TYRO3: variants seen among roughly 807,000 people sequenced by gnomAD.
TYRO3 encodes tyrosine-protein kinase receptor TYRO3.
TYRO3 carries 38 observed loss-of-function variants against 95.2 expected under a neutral mutation model. The ratio of observed to expected loss-of-function variants is 0.40; its 90% CI spans 0.31 to 0.52. TYRO3 has a LOEUF of 0.52. TYRO3 is among the 20% of genes least tolerant of loss of function. The pLI, the probability that TYRO3 is intolerant of heterozygous loss-of-function variation, is 0.56. For synonymous variants in TYRO3, 367 were observed against 432.9 expected (o/e 0.85, Z 1.89); for missense variants, 812 against 1,116.4 (o/e 0.73, Z 3.89).
intron 17 of TYRO3, 70 bp downstream of exon 17, chr15:41,573,537 C>T (rs1213356954): frequency 5.5e-5 from 86 of 1,571,718 alleles, no homozygotes; most frequent in Non-Finnish European, 3.5e-6. Context: ...CCTTAAGGGC[C>T]TAGCCAAGTC....
rs746836904 is a variant in TYRO3 at position 41,579,965 on chromosome 15, G to T, written c.*1689G>T. Reference sequence around the variant, plus strand: ...GTAGAGATAGGGTTTCACCGTATTAGCCAGGATGATCTCAATCTCCTGACC... The same window carrying T: ...GTAGAGATAGGGTTTCACCGTATTATCCAGGATGATCTCAATCTCCTGACC... On this transcript the variant is annotated 3_prime_UTR_variant, in exon 19 of 19. Transcript: ENST00000263798. 5 of 151,246 alleles carry T rather than the reference G, an allele frequency of 3.3e-5. No homozygotes were observed. The highest frequency in any genetic ancestry group is 7.4e-5 in the Non-Finnish European group (5 of 67,870). 9.4% of individuals were successfully genotyped at this position (151,246 alleles called of 1,614,324 possible). A position where few individuals can be genotyped will look rare whatever the true frequency, so the allele number is the denominator to read the frequency against.
intron 4 of TYRO3, among the ~76,000 whole-genome samples, chr15:41,563,964 C>T (rs960634968): frequency 1.5e-4 from 23 of 152,196 alleles, no homozygotes; most frequent in African/African-American, 5.3e-4. Flanking sequence ...TTACCTGATT[C>T]TCACAATTCT....
Position 41,567,507 on chromosome 15 carries a change from G to A in TYRO3, c.931G>A (p.Asp311Asn). The change falls in exon 7 of 19, where the codon GAC (aspartate) becomes AAC (asparagine). Residue 311 changes from aspartate to asparagine, a missense_variant. Physicochemically the swap from Asp to Asn is conservative, Grantham distance 23. Coordinates refer to ENST00000263798, the MANE Select transcript of TYRO3 (RefSeq NM_006293.4). ...ANALGPSPYA[D>N]WVPFQTKGLA... ...TGCCTTGGGGCCCTCTCCCTATGCT[G>A]ACTGGGTGCCCTTTCAGACCAAGGG... 1 of 1,589,044 alleles carries A rather than the reference G, an allele frequency of 6.3e-7. No homozygotes were observed.
Position 41,567,532 on chromosome 15 carries a change from G to T in TYRO3, c.956G>T (p.Gly319Val). ...GACTGGGTGCCCTTTCAGACCAAGG[G>T]TCTAGGTAAGGGATGCATAGAGCAG... Reference protein sequence around the residue: ...YADWVPFQTKGLAPASAPQNL... With the variant: ...YADWVPFQTKVLAPASAPQNL... The change falls in exon 7 of 19, where the codon GGT becomes GTT. Residue 319 changes from glycine to valine, a missense_variant. By Grantham distance (109) the Gly-to-Val change is moderately radical. Transcript: ENST00000263798. The T allele has an allele frequency of 3.8e-6, 6 of 1,560,346 alleles. No homozygotes were observed. Among genetic ancestry groups the T allele is most frequent in the Non-Finnish European group, 5.2e-6 (6 of 1,156,974 alleles).
At chr15:41,569,631 A>G (rs2055769310) in intron 9 of TYRO3, among the ~76,000 whole-genome samples, 1 of 150,690 alleles carries the variant, frequency 6.6e-6, no homozygotes, top group Admixed American at 6.6e-5. Context: ...GTCAGGTGTG[A>G]TGTTGCACAC....
chr15:41,583,160 C>A lies in TYRO3; in HGVS notation c.*4884C>A, dbSNP rs1262892398. ...TACAGGCACGTGCCACCACAACATG[C>A]TAATTTTTTGTATTTTTAGTAGAGA... is the stretch of plus-strand genomic sequence containing the variant. On this transcript the variant is annotated 3_prime_UTR_variant, in exon 19 of 19. Coordinates refer to ENST00000263798, the MANE Select transcript of TYRO3 (RefSeq NM_006293.4). 6.6e-6 allele frequency: 1 copy of A among 151,834 alleles called. No homozygotes were observed. The highest frequency in any genetic ancestry group is 1.9e-4 in the East Asian group (1 of 5,174). 9.4% of individuals were successfully genotyped at this position (151,834 alleles called of 1,614,324 possible). A position where few individuals can be genotyped will look rare whatever the true frequency, so the allele number is the denominator to read the frequency against.
At chr15:41,569,263 G>A (rs1362836139) in intron 9 of TYRO3, among the ~76,000 whole-genome samples, 6 of 148,784 alleles carry the variant, frequency 4.0e-5, no homozygotes, top group African/African-American at 1.5e-4. Context: ...ACCAGCTCTG[G>A]CAACATAGCA....
At chr15:41,559,566 CA>C (rs961238420) in intron 1 of TYRO3, among the ~76,000 whole-genome samples, 185 bp downstream of exon 1, 10 of 152,212 alleles carry the variant, frequency 6.6e-5, no homozygotes, top group African/African-American at 2.4e-4. Context: ...GCCGGGCCCC[CA>C]CCCCCAACTT....
At position 41,582,463 on chromosome 15, in the gene TYRO3, G is replaced by T. The variant is rs1184787616; in HGVS notation, c.*4187G>T. 6.6e-6 allele frequency: 1 copy of T among 152,198 alleles called. No individual in the cohort carries two copies. The highest frequency in any genetic ancestry group is 1.5e-5 in the Non-Finnish European group (1 of 68,096). 9.4% of individuals were successfully genotyped at this position (152,198 alleles called of 1,614,324 possible). On this transcript the variant is annotated 3_prime_UTR_variant, in exon 19 of 19. Transcript: ENST00000263798. The stretch of plus-strand genomic sequence containing the variant: ...GAGAATCACTTGAACCTGGGAGGGG[G>T]AGGTTGCAGTGAGCCACTACATTCC...
rs140671779 is a variant in TYRO3 at position 41,561,654 on chromosome 15, C to A, written c.409+15C>A. ...CACGGTAGAAGGTGAGGAGGCAGAGCCATATGGGCGTGTTGGCCTGGAGCA... is the reference window on the plus strand; with the variant it reads ...CACGGTAGAAGGTGAGGAGGCAGAGACATATGGGCGTGTTGGCCTGGAGCA... On this transcript the variant is annotated intron_variant, in intron 3 of 18. Transcript: ENST00000263798. The A allele has an allele frequency of 3.3e-5, 33 of 1,004,918 alleles. No individual in the cohort carries two copies. The highest frequency in any genetic ancestry group is 4.7e-5 in the Non-Finnish European group (32 of 678,452). 62.3% of individuals were successfully genotyped at this position (1,004,918 alleles called of 1,614,324 possible).
Position 41,571,066 on chromosome 15 carries a change from G to A in TYRO3, c.1608G>A (p.Gln536=). 6.2e-7 allele frequency: 1 copy of A among 1,614,126 alleles called. No homozygotes were observed. Among genetic ancestry groups the A allele is most frequent in the South Asian group, 1.1e-5 (1 of 91,072 alleles). ...AGTTTGGTTCAGTGCGGGAGGCCCA[G>A]CTGAAGCAAGAGGATGGCTCCTTTG... The part of the protein sequence containing the change: ...KGEFGSVREA[Q]LKQEDGSFVK... The change falls in exon 13 of 19, where the codon CAG becomes CAA. Residue 536 remains glutamine (Q), a synonymous_variant. Transcript: ENST00000263798.
In TYRO3 at chr15:41,564,276, A is replaced by C. The variant is rs1461178130; in HGVS notation, c.667+6A>C. 7.4e-7 allele frequency: 1 copy of C among 1,350,262 alleles called. No individual in the cohort carries two copies. The highest frequency in any genetic ancestry group is 1.2e-5 in the South Asian group (1 of 86,670). The allele number at this position is 1,350,262 out of a possible 1,614,324, so 83.6% of individuals were successfully genotyped here. On this transcript the variant is annotated splice_donor_region_variant and intron_variant, in intron 5 of 18. Transcript: ENST00000263798. ...AGCCACTGTTCACCTTCAAGGTAGG[A>C]GGGCTGGCAGGGAGGAAGGGTGGAT...
intron 17 of TYRO3, 59 bp from the exon 18 acceptor site, chr15:41,573,620 C>G: frequency 6.9e-7 from 1 of 1,452,652 alleles, no homozygotes; most frequent in Non-Finnish European, 9.4e-7. Flanking sequence ...AGCCATGGCT[C>G]TCTGCCTGGC....
In TYRO3 at chr15:41,578,948, G is replaced by C. The variant is rs1221459062; in HGVS notation, c.*672G>C. 1 of 153,408 alleles carries C rather than the reference G, an allele frequency of 6.5e-6. No individual in the cohort carries two copies. The highest frequency in any genetic ancestry group is 1.4e-5 in the Non-Finnish European group (1 of 69,050). The allele number at this position is 153,408 out of a possible 1,614,324, so 9.5% of individuals were successfully genotyped here. On this transcript the variant is annotated 3_prime_UTR_variant, in exon 19 of 19. Transcript: ENST00000263798. Reference sequence around the variant, plus strand: ...CAGGTGCCCCTCTTCCAAAGGCAGCGTGCCGAGCCAGCAAGAGGAAGGGGT... The same window carrying C: ...CAGGTGCCCCTCTTCCAAAGGCAGCCTGCCGAGCCAGCAAGAGGAAGGGGT...
Position 41,580,087 on chromosome 15 carries a change from G to A in TYRO3, c.*1811G>A, listed in dbSNP as rs2140839774. ...TGTTACCTTTAAATGATGGGGTTAAGGGGACGTTCTTCTTTGTGCTTTCCA... is the reference window on the plus strand; with the variant it reads ...TGTTACCTTTAAATGATGGGGTTAAAGGGACGTTCTTCTTTGTGCTTTCCA... On this transcript the variant is annotated 3_prime_UTR_variant, in exon 19 of 19. Coordinates refer to ENST00000263798, the MANE Select transcript of TYRO3 (RefSeq NM_006293.4). 6.6e-6 allele frequency: 1 copy of A among 152,126 alleles called. No individual in the cohort carries two copies. The highest frequency in any genetic ancestry group is 1.9e-4 in the East Asian group (1 of 5,166). The allele number at this position is 152,126 out of a possible 1,614,324, so 9.4% of individuals were successfully genotyped here.
chr15:41,573,335 G>A lies in TYRO3; in HGVS notation c.2013G>A (p.Val671=). 1 of 1,614,244 alleles carries A rather than the reference G, an allele frequency of 6.2e-7. No homozygotes were observed. The highest frequency in any genetic ancestry group is 1.1e-5 in the South Asian group (1 of 91,086). ...CMLAEDMTVC[V]ADFGLSRKIY... ...TGGCAGAGGACATGACAGTGTGTGT[G>A]GCTGACTTCGGACTCTCCCGGAAGA... The change falls in exon 17 of 19, where the codon GTG becomes GTA. Residue 671 remains valine (V), a synonymous_variant. Transcript: ENST00000263798.
chr15:41,570,461 T>C, intron 11 of TYRO3, 121 bp downstream of exon 11: 1 of 1,400,240 alleles, frequency 7.1e-7, no homozygotes, highest in Non-Finnish European at 1.0e-6. Context: ...GGCACACAAA[T>C]CTGCCTGTGT....
chr15:41,576,237 A>G (rs1350206619), intron 18 of TYRO3, among the ~76,000 whole-genome samples: 4 of 151,850 alleles, frequency 2.6e-5, no homozygotes, highest in African/African-American at 9.7e-5. Flanking sequence ...CTTGTCGCCC[A>G]GGCTGGAGTG....
At chr15:41,567,247 C>T (rs2055734238) in intron 6 of TYRO3, 113 bp from the exon 7 acceptor site, 3 of 927,284 alleles carry the variant, frequency 3.2e-6, no homozygotes, top group Admixed American at 3.2e-5. Flanking sequence ...GCGTGGGTTG[C>T]AAGTGTTTGC....
Sources: allele counts gnomAD v4.1 joint callset (sites outside exome capture counted in the v4.1 genomes callset), GRCh38; gene constraint gnomAD v4.1.1; transcripts MANE v1.5; gene names NCBI Gene and HGNC (gene_info 2026-07-23, HGNC 2026-07-21).